SHISAL1: variants seen among roughly 807,000 people sequenced by gnomAD.
SHISAL1 encodes the protein protein shisa-like-1.
Under a neutral mutation model 22.6 loss-of-function variants are expected in SHISAL1, and 9 were observed. The ratio of observed to expected loss-of-function variants is 0.40; its 90% CI spans 0.24 to 0.70. SHISAL1 has a LOEUF of 0.70. SHISAL1 is among the 30% of genes least tolerant of loss of function. The pLI is 0.39. For missense variants in SHISAL1, 246 were observed against 270.6 expected, an observed-to-expected ratio of 0.91 and a Z score of 0.64; for synonymous variants, 119 against 115.4, an observed-to-expected ratio of 1.03 and a Z score of -0.20.
At chr22:44,296,960 G>C in intron 2 of SHISAL1, 75 bp from the exon 3 acceptor site, 1 of 1,192,542 alleles carries the variant, frequency 8.4e-7, no homozygotes, top group Non-Finnish European at 1.2e-6. Context: ...GGGACTGGCC[G>C]GCCTCTTCTC....
chr22:44,264,979 C>T (rs2055151895), intron 4 of SHISAL1, among the ~76,000 whole-genome samples: 1 of 152,000 alleles, frequency 6.6e-6, no homozygotes, highest in Non-Finnish European at 1.5e-5. Context: ...AAAACACAAC[C>T]AGATCCCTTA....
upstream of SHISAL1, among the ~76,000 whole-genome samples, chr22:44,313,466 CTGCTGT>C (rs2055534954): frequency 6.6e-6 from 1 of 152,246 alleles, no homozygotes; most frequent in African/African-American, 2.4e-5. Flanking sequence ...GCTGATCTTC[CTGCTGT>C]TGCCCCCCTA....
intron 4 of SHISAL1, among the ~76,000 whole-genome samples, chr22:44,270,658 GAT>G (rs2055199640): frequency 6.6e-6 from 1 of 152,160 alleles, no homozygotes; most frequent in Non-Finnish European, 1.5e-5. Flanking sequence ...GGGTCACAGG[GAT>G]CTGCCAGCCT....
At chr22:44,299,841 T>C (rs886875383) in intron 2 of SHISAL1, among the ~76,000 whole-genome samples, 18 of 126,114 alleles carry the variant, frequency 1.4e-4, no homozygotes, top group African/African-American at 5.5e-4. Context: ...CACAGAGAGA[T>C]AGACAGAGAC....
intron 3 of SHISAL1, among the ~76,000 whole-genome samples, chr22:44,293,945 G>A (rs780426511): frequency 6.6e-5 from 10 of 152,216 alleles, no homozygotes; most frequent in Non-Finnish European, 1.2e-4. Flanking sequence ...GGAGTGTTCC[G>A]TGTGAAATCC....
intron 1 of SHISAL1, among the ~76,000 whole-genome samples, chr22:44,309,634 G>T (rs2055504137): frequency 6.6e-6 from 1 of 152,172 alleles, no homozygotes; most frequent in African/African-American, 2.4e-5. Context: ...CGACTCATAA[G>T]AGTGTTTACC....
At chr22:44,283,857 A>C (rs567955257) in intron 4 of SHISAL1, among the ~76,000 whole-genome samples, 1 of 152,082 alleles carries the variant, frequency 6.6e-6, no homozygotes, top group African/African-American at 2.4e-5. Flanking sequence ...TAGTTTGACA[A>C]ACCCTCTAGG....
chr22:44,296,124 G>A (rs2055383862), intron 3 of SHISAL1, among the ~76,000 whole-genome samples: 1 of 152,142 alleles, frequency 6.6e-6, no homozygotes, highest in African/African-American at 2.4e-5. Flanking sequence ...ACCCTGCAAA[G>A]TGAGTATTCT....
At chr22:44,259,341 G>A (rs1015492898) in intron 4 of SHISAL1, among the ~76,000 whole-genome samples, 4 of 152,170 alleles carry the variant, frequency 2.6e-5, no homozygotes, top group Admixed American at 2.6e-4. Context: ...AGGAGGCTGA[G>A]GCAGGAGAAT....
At chr22:44,287,991 G>A (rs1448581953) in intron 3 of SHISAL1, among the ~76,000 whole-genome samples, 13 of 152,190 alleles carry the variant, frequency 8.5e-5, no homozygotes, top group Admixed American at 8.5e-4. Flanking sequence ...CGCAGAAGGG[G>A]TCCAGGATGC....
At chr22:44,260,905 C>G (rs1303884746) in intron 4 of SHISAL1, among the ~76,000 whole-genome samples, 1 of 151,904 alleles carries the variant, frequency 6.6e-6, no homozygotes, top group Non-Finnish European at 1.5e-5. Context: ...GGCAATGTGG[C>G]TTCGGTCACT....
intron 1 of SHISAL1, among the ~76,000 whole-genome samples, chr22:44,305,052 T>C (rs571839109): frequency 1.1e-4 from 17 of 152,284 alleles, no homozygotes; most frequent in African/African-American, 3.9e-4. Flanking sequence ...GTACTCTTCC[T>C]TCACCCCTAG....
chr22:44,264,196 C>T (rs2055146015), intron 4 of SHISAL1, among the ~76,000 whole-genome samples: 2 of 152,150 alleles, frequency 1.3e-5, no homozygotes, highest in Non-Finnish European at 2.9e-5. Context: ...CCTGGTGGAC[C>T]CATGGGATTG....
chr22:44,316,481 C>G (rs939717213), upstream of SHISAL1, among the ~76,000 whole-genome samples: 2 of 152,182 alleles, frequency 1.3e-5, no homozygotes, highest in Non-Finnish European at 2.9e-5. Context: ...CAAGGAAGAG[C>G]TGCTGGGCCA....
intron 4 of SHISAL1, among the ~76,000 whole-genome samples, chr22:44,269,010 T>G (rs1044772757): frequency 2.0e-5 from 3 of 152,054 alleles, no homozygotes; most frequent in Non-Finnish European, 4.4e-5. Flanking sequence ...CCAGCTTCCA[T>G]GCATTCTGCA....
chr22:44,258,362 G>C (rs1260596224), intron 4 of SHISAL1, among the ~76,000 whole-genome samples: 1 of 152,152 alleles, frequency 6.6e-6, no homozygotes, highest in Non-Finnish European at 1.5e-5. Context: ...GCAGGTTTGT[G>C]ACACAGCTAA....
At chr22:44,257,001 C>G (rs2055089146) in intron 4 of SHISAL1, among the ~76,000 whole-genome samples, 1 of 152,206 alleles carries the variant, frequency 6.6e-6, no homozygotes, top group African/African-American at 2.4e-5. Context: ...GAGAGGATTT[C>G]AGAGCGCAGA....
chr22:44,306,816 T>C (rs1273972646), intron 1 of SHISAL1, among the ~76,000 whole-genome samples: 1 of 141,376 alleles, frequency 7.1e-6, no homozygotes, highest in African/African-American at 2.7e-5. Flanking sequence ...GACGACGGCG[T>C]GTGTGGAGGG....
At chr22:44,267,332 A>G (rs1344989727) in intron 4 of SHISAL1, among the ~76,000 whole-genome samples, 1 of 151,784 alleles carries the variant, frequency 6.6e-6, no homozygotes, top group Non-Finnish European at 1.5e-5. Context: ...CAGCCGCCCC[A>G]AGGTCCCCAT....
Sources: gnomAD v4.1 joint callset for allele counts (sites outside exome capture counted in the v4.1 genomes callset) on GRCh38, gnomAD v4.1.1 for gene constraint, MANE v1.5 for transcripts, NCBI Gene and HGNC (gene_info 2026-07-23, HGNC 2026-07-21) for gene names.